Variants in PSME4 observed in about 807,000 individuals in gnomAD.
PSME4 encodes the protein proteasome activator complex subunit 4.
Under a neutral mutation model 253.9 loss-of-function variants are expected in PSME4, and 89 were observed. The observed-to-expected ratio is 0.35, with a 90% confidence interval of 0.30 to 0.42. The LOEUF is 0.42. PSME4 is among the 10% of genes least tolerant of loss of function. The pLI, the probability that PSME4 is intolerant of heterozygous loss-of-function variation, is 1.00. For missense variants in PSME4, 2,014 were observed against 2,195.2 expected (o/e 0.92, Z 1.65); for synonymous variants, 851 against 759.2 (o/e 1.12, Z -1.99).
chr2:53,942,253 G>T lies in PSME4; in HGVS notation c.501-2253C>A, dbSNP rs371340153. ...TTTAAAAATAAAATAAAAGGTTAAG[G>T]CTAGATGCTACTAGACTACATTTCA... On this transcript the variant is annotated intron_variant, in intron 3 of 46. Coordinates refer to ENST00000404125, the MANE Select transcript of PSME4 (RefSeq NM_014614.3). 1.1e-4 allele frequency: 17 copies of T among 152,624 alleles called. 1 individual carries two copies. In the South Asian group the frequency reaches 3.5e-3, roughly 32 times the overall value. 9.5% of individuals were successfully genotyped at this position (152,624 alleles called of 1,614,324 possible). A position where few individuals can be genotyped will look rare whatever the true frequency, so the allele number is the denominator to read the frequency against.
chr2:53,969,317 T>G (rs1670911610), intron 1 of PSME4, among the ~76,000 whole-genome samples: 1 of 152,160 alleles, frequency 6.6e-6, no homozygotes, highest in African/African-American at 2.4e-5. Context: ...AAATTACATG[T>G]TTTAGTTTTG....
In PSME4 at chr2:53,901,422, T is replaced by C. The variant is rs1680393721; in HGVS notation, c.3213A>G (p.Ser1071=). ...CAAGATCATCAAACAATCTCACTATTGATGGCTTTTCCAGGGACATTGCTT... is the reference window on the plus strand; with the variant it reads ...CAAGATCATCAAACAATCTCACTATCGATGGCTTTTCCAGGGACATTGCTT... The part of the protein sequence containing the change: ...LSQAMSLEKP[S]IVRLFDDLAE... Residue 1071 remains serine (S), a synonymous_variant, in exon 28 of 47, where the codon TCA becomes TCG. Coordinates refer to ENST00000404125, the MANE Select transcript of PSME4 (RefSeq NM_014614.3). 1 of 1,614,200 alleles carries C rather than the reference T, an allele frequency of 6.2e-7. No individual in the cohort carries two copies. Among genetic ancestry groups the C allele is most frequent in the Non-Finnish European group, 8.5e-7 (1 of 1,180,018 alleles).
intron 26 of PSME4, among the ~76,000 whole-genome samples, chr2:53,905,722 C>T (rs1272423882): frequency 6.6e-6 from 1 of 152,170 alleles, no homozygotes; most frequent in Non-Finnish European, 1.5e-5. Flanking sequence ...GAGACAATCG[C>T]TTGAGCTCAA....
chr2:53,959,470 C>T (rs184893854), intron 1 of PSME4, among the ~76,000 whole-genome samples: 32 of 152,294 alleles, frequency 2.1e-4, no homozygotes, highest in East Asian at 3.9e-4. Context: ...GATCTCTGAA[C>T]GACCCCCTCA....
At position 53,892,395 on chromosome 2, in the gene PSME4, G is replaced by C. The variant is rs552349214; in HGVS notation, c.4191+413C>G. Among the ~76,000 whole-genome samples, 3 of 152,236 alleles carry C rather than the reference G, an allele frequency of 2.0e-5. No individual in the cohort carries two copies. In the South Asian group the frequency reaches 6.2e-4, roughly 32 times the overall value. On this transcript the variant is annotated intron_variant, in intron 36 of 46. Transcript: ENST00000404125. ...CAAACTCCAACTGTCTAAAAGACTG[G>C]ACAAGTAATATAAATGATAAGGAGG... is the stretch of plus-strand genomic sequence containing the variant.
chr2:53,970,659 C>T lies in PSME4; in HGVS notation c.126G>A (p.Glu42=). Residue 42 remains glutamate, a synonymous_variant, in exon 1 of 47, where the codon GAG becomes GAA. Coordinates refer to ENST00000404125, the MANE Select transcript of PSME4 (RefSeq NM_014614.3). ...IVYNKLLPYA[E]RLDAESDLQL... The stretch of plus-strand genomic sequence containing the variant: ...GCAAGTCGGACTCGGCGTCTAGCCG[C>T]TCCGCGTAGGGCAGCAGCTTGTTGT... The T allele has an allele frequency of 1.3e-6, 2 of 1,550,342 alleles. No individual in the cohort carries two copies. Among genetic ancestry groups the T allele is most frequent in the East Asian group, 2.4e-5 (1 of 40,888 alleles).
At chr2:53,868,917 T>C (rs1306279072) in intron 44 of PSME4, among the ~76,000 whole-genome samples, 1 of 152,088 alleles carries the variant, frequency 6.6e-6, no homozygotes, top group African/African-American at 2.4e-5. Context: ...TCAATTAGAT[T>C]GGAAGCTCCT....
At chr2:53,908,622 T>C in intron 22 of PSME4, 57 bp from the exon 23 acceptor site, 1 of 1,533,796 alleles carries the variant, frequency 6.5e-7, no homozygotes, top group South Asian at 1.3e-5. Context: ...ACTATAAGAA[T>C]CTTGAGGCAT....
chr2:53,911,338 T>C (rs973157388), intron 20 of PSME4, among the ~76,000 whole-genome samples: 1 of 152,168 alleles, frequency 6.6e-6, no homozygotes, highest in African/African-American at 2.4e-5. Context: ...AATTTGCTTT[T>C]TCAGACTTTC....
intron 24 of PSME4, 90 bp from the exon 25 acceptor site, chr2:53,906,958 A>C: frequency 8.5e-7 from 1 of 1,175,894 alleles, no homozygotes; most frequent in Non-Finnish European, 1.2e-6. Flanking sequence ...AAGTGGTCAA[A>C]AAGGTCCCTG....
At chr2:53,943,176 T>C (rs984891078) in intron 3 of PSME4, among the ~76,000 whole-genome samples, 1 of 152,244 alleles carries the variant, frequency 6.6e-6, no homozygotes, top group Non-Finnish European at 1.5e-5. Context: ...CCAGAAGTAC[T>C]TGCAGCTTCA....
In PSME4 at chr2:53,898,343, T is replaced by C. The variant is rs745379159; in HGVS notation, c.3434A>G (p.Asn1145Ser). ...KNADALRNYE[N>S]LVDTLLDGVE... ...ACCATCTAGCAAGGTGTCTACCAAA[T>C]TTTCATAGTTCCTTTAAAAAAAAGG... Residue 1145 changes from asparagine to serine, a missense_variant, in exon 30 of 47, where the codon AAT becomes AGT. Around this residue, in one of 4 missense-constraint regions of PSME4, gnomAD observed 989 missense variants for 1,021.1 expected, o/e 0.97. Coordinates refer to ENST00000404125, the MANE Select transcript of PSME4 (RefSeq NM_014614.3). 2.5e-6 allele frequency: 4 copies of C among 1,603,356 alleles called. No individual in the cohort carries two copies. The highest frequency in any genetic ancestry group is 3.4e-6 in the Non-Finnish European group (4 of 1,175,020).
intron 13 of PSME4, 48 bp downstream of exon 13, chr2:53,925,911 T>G: frequency 6.5e-7 from 1 of 1,541,416 alleles, no homozygotes; most frequent in Non-Finnish European, 9.0e-7. Context: ...GATAGAAGAG[T>G]CATTTTCTAG....
intron 3 of PSME4, among the ~76,000 whole-genome samples, chr2:53,943,846 CAAAAAAAAA>C (rs5831284): frequency 1.2e-5 from 1 of 81,372 alleles, no homozygotes; most frequent in Non-Finnish European, 2.4e-5. Context: ...AACTCCATCT[CAAAAAAAAA>C]AAAAAAAAAA....
chr2:53,940,372 A>G (rs1669336068), intron 3 of PSME4, among the ~76,000 whole-genome samples: 1 of 152,138 alleles, frequency 6.6e-6, no homozygotes, highest in South Asian at 2.1e-4. Flanking sequence ...TCAAAACACA[A>G]GCAGCAGACA....
At chr2:53,906,542 G>A (rs1680667189) in intron 26 of PSME4, 56 bp downstream of exon 26, 1 of 1,449,408 alleles carries the variant, frequency 6.9e-7, no homozygotes, top group South Asian at 1.7e-5. Context: ...GGGATATTAA[G>A]ATTGCATGTA....
intron 1 of PSME4, among the ~76,000 whole-genome samples, chr2:53,957,936 T>C (rs1385088326): frequency 6.6e-6 from 1 of 151,988 alleles, no homozygotes; most frequent in African/African-American, 2.4e-5. Flanking sequence ...GGAACACACA[T>C]AAAAACTTGT....
chr2:53,940,991 A>ATATG, intron 3 of PSME4, among the ~76,000 whole-genome samples: 1 of 95,304 alleles, frequency 1.0e-5, no homozygotes, highest in East Asian at 2.6e-4. Context: ...ATATATATAT[A>ATATG]TATATATATG....
At chr2:53,940,114 T>C in intron 3 of PSME4, 114 bp from the exon 4 acceptor site, 1 of 783,798 alleles carries the variant, frequency 1.3e-6, no homozygotes, top group South Asian at 2.7e-5. Flanking sequence ...TTTGTTTACA[T>C]GTAATAATTG....
Sources: gnomAD v4.1 joint callset for allele counts (sites outside exome capture counted in the v4.1 genomes callset) on GRCh38, gnomAD v4.1.1 for gene constraint, gnomAD v4.1.1 regional missense constraint, MANE v1.5 for transcripts, NCBI Gene and HGNC (gene_info 2026-07-23, HGNC 2026-07-21) for gene names.